The following PPWD1 variants were observed in gnomAD, a reference collection of about 807,000 sequenced individuals.
PPWD1 encodes peptidylprolyl isomerase domain and WD repeat-containing protein 1.
Under a neutral mutation model 68.8 loss-of-function variants are expected in PPWD1, and 43 were observed. That is an observed-to-expected ratio of 0.62 (90% confidence interval 0.49 to 0.81). The LOEUF is 0.81. Ranked by LOEUF, PPWD1 falls within the 30% of genes least tolerant of loss-of-function variation. The probability of loss-of-function intolerance (pLI) is 0.00; values close to 1 mark genes in which losing one functional copy is unlikely to be tolerated. For synonymous variants in PPWD1, 232 were observed against 258.7 expected (o/e 0.90, Z 0.99); for missense variants, 672 against 804.8 (o/e 0.83, Z 2.00).
At chr5:65,583,015 C>A in intron 7 of PPWD1, 23 bp from the exon 8 acceptor site, 1 of 1,506,104 alleles carries the variant, frequency 6.6e-7, no homozygotes, top group Non-Finnish European at 8.9e-7. Context: ...TTCGTTGACT[C>A]ACTTTTTACT....
intron 2 of PPWD1, among the ~76,000 whole-genome samples, chr5:65,568,321 G>A (rs1469256192): frequency 6.6e-6 from 1 of 151,994 alleles, no homozygotes; most frequent in Non-Finnish European, 1.5e-5. Flanking sequence ...TCAAGTTAAG[G>A]CTTTTTCATA....
Position 65,587,532 on chromosome 5 carries a change from G to T in PPWD1, c.*136G>T. The stretch of plus-strand genomic sequence containing the variant: ...AGTATTTTTGTATTTTTTATTAAAG[G>T]CTATTTTTTAAAAATTACCTTTGAC... On this transcript the variant is annotated 3_prime_UTR_variant, in exon 11 of 11. Coordinates refer to ENST00000261308, the MANE Select transcript of PPWD1 (RefSeq NM_015342.4). 1.4e-6 allele frequency: 1 copy of T among 726,820 alleles called. No homozygotes were observed. Among genetic ancestry groups the T allele is most frequent in the South Asian group, 3.6e-5 (1 of 27,994 alleles). 45.0% of individuals were successfully genotyped at this position (726,820 alleles called of 1,614,324 possible).
At position 65,579,517 on chromosome 5, in the gene PPWD1, T is replaced by C; in HGVS notation, c.1254T>C (p.Thr418=). 6.2e-7 allele frequency: 1 copy of C among 1,611,584 alleles called. No individual in the cohort carries two copies. Among genetic ancestry groups the C allele is most frequent in the Non-Finnish European group, 8.5e-7 (1 of 1,179,092 alleles). ...CCAAAAAGCATCGTGCTGCAACTAC[T>C]ATAGAAATGAAAGCTTCTGAAAATC... The part of the protein sequence containing the change: ...GIAKKHRAAT[T]IEMKASENPV... The change falls in exon 7 of 11, where the codon ACT becomes ACC. Residue 418 remains threonine, a synonymous_variant. Transcript: ENST00000261308.
chr5:65,577,865 T>C (rs984326878), intron 6 of PPWD1, among the ~76,000 whole-genome samples: 7 of 152,212 alleles, frequency 4.6e-5, no homozygotes, highest in Admixed American at 1.3e-4. Flanking sequence ...ATTTGTTCCA[T>C]TGATGAACCT....
intron 5 of PPWD1, among the ~76,000 whole-genome samples, chr5:65,572,804 AAAT>A (rs896726490): frequency 7.2e-5 from 11 of 152,122 alleles, no homozygotes; most frequent in African/African-American, 2.7e-4. Context: ...TTTGCTTTCC[AAAT>A]ATACTTTAAA....
At chr5:65,568,830 A>C (rs152063) in intron 2 of PPWD1, 244,462 of 391,468 alleles carry the variant, frequency 0.62, 77,360 homozygotes, top group South Asian at 0.66. Context: ...GTCTCAAGTT[A>C]TCAGTGTGGT....
At chr5:65,571,486 A>ACATAGACTG (rs1753004151) in intron 4 of PPWD1, among the ~76,000 whole-genome samples, 1 of 152,214 alleles carries the variant, frequency 6.6e-6, no homozygotes, top group Admixed American at 6.5e-5. Context: ...AGTAAGTTAT[A>ACATAGACTG]CATAGACTGT....
At chr5:65,567,921 C>A in intron 2 of PPWD1, 1 of 224,112 alleles carries the variant, frequency 4.5e-6, no homozygotes, top group Non-Finnish European at 8.0e-6. Context: ...TGGTACCTGG[C>A]CTCTTTGGCA....
chr5:65,584,000 G>A (rs73762034), intron 8 of PPWD1, among the ~76,000 whole-genome samples: 2 of 152,046 alleles, frequency 1.3e-5, no homozygotes, highest in Non-Finnish European at 2.9e-5. Flanking sequence ...TTGAAAAAAA[G>A]GTGAACAGTT....
intron 5 of PPWD1, among the ~76,000 whole-genome samples, chr5:65,575,398 C>G (rs1280571161): frequency 6.6e-6 from 1 of 152,220 alleles, no homozygotes; most frequent in African/African-American, 2.4e-5. Flanking sequence ...GAAAACCTAA[C>G]AACTAGGCTT....
intron 1 of PPWD1, 46 bp from the exon 2 acceptor site, chr5:65,567,467 T>C (rs559565314): frequency 1.9e-6 from 3 of 1,539,440 alleles, no homozygotes; most frequent in Non-Finnish European, 1.8e-6. Context: ...TAGTATTTGG[T>C]TTATTTGTTA....
chr5:65,570,270 G>A, intron 4 of PPWD1: 1 of 910,244 alleles, frequency 1.1e-6, no homozygotes, highest in Non-Finnish European at 1.3e-6. Context: ...TATTACTGGA[G>A]CTCTGTCATA....
chr5:65,583,341 G>A lies in PPWD1; in HGVS notation c.1532+122G>A, dbSNP rs560426029. 1.2e-5 allele frequency: 14 copies of A among 1,130,358 alleles called. No individual in the cohort carries two copies. The South Asian group carries it at 2.2e-4, about 18-fold the overall frequency. The allele number at this position is 1,130,358 out of a possible 1,614,324, so 70.0% of individuals were successfully genotyped here. ...CTTAAGGAATTTTGAAGAAACGTTT[G>A]ATAAAAAACATCTATTCCTGAGCTT... On this transcript the variant is annotated intron_variant, in intron 8 of 10. Coordinates refer to ENST00000261308, the MANE Select transcript of PPWD1 (RefSeq NM_015342.4).
chr5:65,586,711 A>G (rs1753866567), intron 10 of PPWD1, among the ~76,000 whole-genome samples: 1 of 152,162 alleles, frequency 6.6e-6, no homozygotes, highest in Non-Finnish European at 1.5e-5. Context: ...AAATGTAACT[A>G]CCATCTGCCA....
Position 65,583,153 on chromosome 5 carries a change from G to A in PPWD1, c.1466G>A (p.Arg489Gln), listed in dbSNP as rs776802116. The A allele has an allele frequency of 4.7e-5, 76 of 1,613,448 alleles. No individual in the cohort carries two copies. The highest frequency in any genetic ancestry group is 6.6e-5 in the South Asian group (6 of 90,964). Residue 489 changes from arginine to glutamine, a missense_variant, in exon 8 of 11, where the codon CGA (arginine) becomes CAA (glutamine). Arg to Gln is a conservative substitution (Grantham distance 43). Coordinates refer to ENST00000261308, the MANE Select transcript of PPWD1 (RefSeq NM_015342.4). ...GCTACTCAAGCTGAAGGACCTAAAC[G>A]AGTTTCGGACAGTGCCATTATCCAC... Reference protein sequence around the residue: ...MAATQAEGPKRVSDSAIIHTS... With the variant: ...MAATQAEGPKQVSDSAIIHTS...
chr5:65,585,899 A>G (rs1753821259), intron 9 of PPWD1, 100 bp from the exon 10 acceptor site: 1 of 1,506,756 alleles, frequency 6.6e-7, no homozygotes, highest in Non-Finnish European at 8.9e-7. Context: ...GTGACAGTTA[A>G]TATTACACTG....
chr5:65,578,757 T>C (rs1256676548), intron 6 of PPWD1, among the ~76,000 whole-genome samples: 3 of 72,760 alleles, frequency 4.1e-5, no homozygotes. Context: ...CACACATATA[T>C]GTGTATATAT....
At chr5:65,571,769 T>G (rs199650174) in intron 4 of PPWD1, 70 bp from the exon 5 acceptor site, 1 of 1,534,328 alleles carries the variant, frequency 6.5e-7, no homozygotes, top group Admixed American at 2.1e-5. Flanking sequence ...TTTTTGGTAG[T>G]GGGATAGGGA....
In PPWD1 at chr5:65,571,837, A is replaced by C; in HGVS notation, c.522-2A>C. 1 of 1,609,098 alleles carries C rather than the reference A, an allele frequency of 6.2e-7. No individual in the cohort carries two copies. Among genetic ancestry groups the C allele is most frequent in the Non-Finnish European group, 8.5e-7 (1 of 1,176,736 alleles). ...TTCCCTCTCAATTCTTTACGATTTT[A>C]GCTATTTTCCTGGACAGTGTGAGTG... On this transcript the variant is annotated splice_acceptor_variant, in intron 4 of 10. Coordinates refer to ENST00000261308, the MANE Select transcript of PPWD1 (RefSeq NM_015342.4). LOFTEE classifies it high-confidence loss of function.
Sources: gnomAD v4.1 joint callset for allele counts (sites outside exome capture counted in the v4.1 genomes callset) on GRCh38, gnomAD v4.1.1 for gene constraint, MANE v1.5 for transcripts, NCBI Gene and HGNC (gene_info 2026-07-23, HGNC 2026-07-21) for gene names.